MYRFL: variants seen among roughly 807,000 people sequenced by gnomAD.
MYRFL encodes myelin regulatory factor like, also known as myelin regulatory factor-like protein.
Under a neutral mutation model 109.4 loss-of-function variants are expected in MYRFL, and 88 were observed. The ratio of observed to expected loss-of-function variants is 0.80; its 90% CI spans 0.68 to 0.96. MYRFL has a LOEUF of 0.96. Ranked by LOEUF, MYRFL falls within the 40% of genes least tolerant of loss-of-function variation. MYRFL has a pLI of 0.00. For missense variants in MYRFL, 957 were observed against 954.9 expected (o/e 1.00, Z -0.03); for synonymous variants, 324 against 320.9 (o/e 1.01, Z -0.10).
chr12:69,863,418 C>T (rs1012975075), intron 2 of MYRFL, among the ~76,000 whole-genome samples: 2 of 152,148 alleles, frequency 1.3e-5, no homozygotes, highest in African/African-American at 2.4e-5. Flanking sequence ...ATTATTGCCG[C>T]AATTTCAGAG....
At chr12:69,901,449 G>C (rs1954177279) in intron 10 of MYRFL, among the ~76,000 whole-genome samples, 1 of 152,142 alleles carries the variant, frequency 6.6e-6, no homozygotes, top group African/African-American at 2.4e-5. Context: ...AAAATAATGT[G>C]AACATATTTT....
In MYRFL at chr12:69,858,739, C is replaced by T. The variant is rs185299092; in HGVS notation, c.137+3369C>T. Reference sequence around the variant, plus strand: ...TAGTTTGTTTCTTTTTTTCTTTTCTCCTTAATCAATGTGGACGTTTATCAA... The same window carrying T: ...TAGTTTGTTTCTTTTTTTCTTTTCTTCTTAATCAATGTGGACGTTTATCAA... On this transcript the variant is annotated intron_variant, in intron 2 of 24. Transcript: ENST00000552032. Among the ~76,000 whole-genome samples, 6 of 151,612 alleles carry T rather than the reference C, an allele frequency of 4.0e-5. No homozygotes were observed. In the East Asian group the frequency reaches 1.2e-3, roughly 29 times the overall value.
chr12:69,880,124 G>T (rs1364516962), intron 4 of MYRFL, 77 bp from the exon 5 acceptor site: 15 of 669,946 alleles, frequency 2.2e-5, no homozygotes, highest in South Asian at 4.9e-5. Flanking sequence ...CAGAGAGCCT[G>T]GGAGATTAAA....
chr12:69,932,404 A>G, intron 15 of MYRFL, 109 bp from the exon 16 acceptor site: 1 of 681,636 alleles, frequency 1.5e-6, no homozygotes, highest in Non-Finnish European at 2.5e-6. Flanking sequence ...AAGCACTCAA[A>G]CTATCCCAAG....
At chr12:69,867,606 T>C (rs1040195119) in intron 2 of MYRFL, among the ~76,000 whole-genome samples, 3 of 152,206 alleles carry the variant, frequency 2.0e-5, no homozygotes, top group African/African-American at 7.2e-5. Flanking sequence ...TTCGTTCTAA[T>C]GTTTGAGCTT....
intron 2 of MYRFL, among the ~76,000 whole-genome samples, chr12:69,878,013 C>T (rs958868191): frequency 6.6e-6 from 1 of 152,132 alleles, no homozygotes; most frequent in African/African-American, 2.4e-5. Context: ...GAGGCTGAGA[C>T]AGGCAGATCA....
chr12:69,939,171 G>C (rs920512944), intron 19 of MYRFL, among the ~76,000 whole-genome samples: 1 of 152,212 alleles, frequency 6.6e-6, no homozygotes, highest in African/African-American at 2.4e-5. Context: ...CAGGAAGCTC[G>C]AACTGGGTGG....
intron 2 of MYRFL, among the ~76,000 whole-genome samples, chr12:69,875,660 A>G (rs905288853): frequency 3.3e-5 from 5 of 152,244 alleles, no homozygotes; most frequent in Middle Eastern, 3.4e-3. Context: ...TTAGAGCGGC[A>G]TTAGGAGCGG....
chr12:69,910,847 A>G lies in MYRFL; in HGVS notation c.1519A>G (p.Ile507Val), dbSNP rs1954544986. ...AATGATTGCCCAGGAGGTGCAAGAA[A>G]TCCTGCCCAGAGCAGTAAGAGAGGT... The part of the protein sequence containing the change: ...TGMIAQEVQE[I>V]LPRAVREVGD... The change falls in exon 13 of 25, where the codon ATC becomes GTC. Residue 507 changes from isoleucine to valine, a missense_variant. Ile to Val is a conservative substitution (Grantham distance 29). Transcript: ENST00000552032. 1.3e-6 allele frequency: 2 copies of G among 1,535,380 alleles called. No individual in the cohort carries two copies. The highest frequency in any genetic ancestry group is 1.7e-6 in the Non-Finnish European group (2 of 1,146,380).
intron 13 of MYRFL, among the ~76,000 whole-genome samples, chr12:69,923,543 A>G (rs1369930683): frequency 6.6e-6 from 1 of 152,184 alleles, no homozygotes; most frequent in Non-Finnish European, 1.5e-5. Context: ...TTAAATGCTA[A>G]AAATCTTGGT....
intron 3 of MYRFL, 33 bp downstream of exon 3, chr12:69,879,128 C>T (rs370663869): frequency 1.6e-5 from 11 of 687,194 alleles, no homozygotes; most frequent in African/African-American, 1.3e-4. Context: ...ACATCTGGCA[C>T]TGTTGCTCTT....
At chr12:69,867,193 C>T (rs893490478) in intron 2 of MYRFL, among the ~76,000 whole-genome samples, 2 of 152,152 alleles carry the variant, frequency 1.3e-5, no homozygotes, top group Non-Finnish European at 2.9e-5. Context: ...AGACAGTTAC[C>T]CACTTGGTAC....
intron 1 of MYRFL, among the ~76,000 whole-genome samples, chr12:69,845,652 A>C (rs1202391625): frequency 6.6e-6 from 1 of 152,206 alleles, no homozygotes; most frequent in East Asian, 1.9e-4. Context: ...AGGGATAGAA[A>C]GCAGAACTAT....
chr12:69,935,810 T>G, intron 16 of MYRFL: 1 of 383,158 alleles, frequency 2.6e-6, no homozygotes. Flanking sequence ...CCTCTTGTAA[T>G]CTTCCACTAG....
intron 14 of MYRFL, among the ~76,000 whole-genome samples, chr12:69,927,148 TTGGCCAGGC>T (rs1244248700): frequency 3.3e-5 from 5 of 152,012 alleles, no homozygotes; most frequent in Non-Finnish European, 7.4e-5. Flanking sequence ...TTTGACCATG[TTGGCCAGGC>T]TGGTCTTGAA....
intron 11 of MYRFL, among the ~76,000 whole-genome samples, chr12:69,906,763 C>T (rs1007514852): frequency 4.6e-5 from 7 of 152,208 alleles, no homozygotes; most frequent in African/African-American, 9.7e-5. Flanking sequence ...TTAAGCTGCT[C>T]CTAGTCCAGA....
intron 19 of MYRFL, among the ~76,000 whole-genome samples, chr12:69,945,063 A>G (rs1202956852): frequency 6.6e-6 from 1 of 152,214 alleles, no homozygotes; most frequent in Non-Finnish European, 1.5e-5. Flanking sequence ...ATATCTTTGT[A>G]CAGCTGTACA....
At chr12:69,853,528 CA>C in intron 1 of MYRFL, among the ~76,000 whole-genome samples, 1 of 146,224 alleles carries the variant, frequency 6.8e-6, no homozygotes, top group Middle Eastern at 4.0e-3. Context: ...GGCGGCGGGG[CA>C]GAGGCGCTCC....
At chr12:69,833,992 G>T (rs1592676879) in intron 1 of MYRFL, among the ~76,000 whole-genome samples, 1 of 152,226 alleles carries the variant, frequency 6.6e-6, no homozygotes, top group African/African-American at 2.4e-5. Flanking sequence ...TGTTCATTGA[G>T]CAGGCAGCTC....
Sources: gnomAD v4.1 joint callset for allele counts (sites outside exome capture counted in the v4.1 genomes callset) on GRCh38, gnomAD v4.1.1 for gene constraint, MANE v1.5 for transcripts, NCBI Gene and HGNC (gene_info 2026-07-23, HGNC 2026-07-21) for gene names.